VWC2L: variants seen among roughly 807,000 people sequenced by gnomAD.
The protein encoded by VWC2L is von Willebrand factor C domain-containing protein 2-like.
Under a neutral mutation model 21.6 loss-of-function variants are expected in VWC2L, and 10 were observed. That is an observed-to-expected ratio of 0.46 (90% CI 0.29 to 0.78). VWC2L has a LOEUF of 0.78. VWC2L is among the 30% of genes least tolerant of loss of function. VWC2L has a pLI of 0.10. For synonymous variants in VWC2L, 96 were observed against 94.3 expected, an observed-to-expected ratio of 1.02 and a Z score of -0.10; for missense variants, 209 against 277.1, an observed-to-expected ratio of 0.75 and a Z score of 1.74.
intron 3 of VWC2L, among the ~76,000 whole-genome samples, chr2:214,461,860 G>A (rs1703147617): frequency 6.6e-6 from 1 of 152,204 alleles, no homozygotes; most frequent in Non-Finnish European, 1.5e-5. Context: ...TCAGCTTCTG[G>A]TGTGCGTGTG....
Position 214,491,791 on chromosome 2 carries a change from G to A in VWC2L, c.520+55033G>A, listed in dbSNP as rs150107750. ...TTGGTCAAGTTACTTAACCTCCTGA[G>A]TTTTATTTCTACATGTGTAAAATAG... On this transcript the variant is annotated intron_variant, in intron 3 of 3. Transcript: ENST00000312504. Among the ~76,000 whole-genome samples the A allele has an allele frequency of 2.1e-3, 313 of 151,936 alleles. 1 individual carries two copies. Among genetic ancestry groups the A allele is most frequent in the African/African-American group, 7.3e-3 (303 of 41,422 alleles).
chr2:214,575,841 T>C lies in VWC2L; in HGVS notation c.*21T>C. On this transcript the variant is annotated 3_prime_UTR_variant, in exon 4 of 4. Transcript: ENST00000312504. Reference sequence around the variant, plus strand: ...TGTAGGACAAACTTCCACCCAATGATGAGTTCTTAGGAAAGGATGCTATGG... The same window carrying C: ...TGTAGGACAAACTTCCACCCAATGACGAGTTCTTAGGAAAGGATGCTATGG... 1.2e-6 allele frequency: 2 copies of C among 1,607,414 alleles called. No homozygotes were observed. Among genetic ancestry groups the C allele is most frequent in the Non-Finnish European group, 1.7e-6 (2 of 1,174,986 alleles).
chr2:214,499,906 T>A (rs568250269), intron 3 of VWC2L, among the ~76,000 whole-genome samples: 1 of 152,290 alleles, frequency 6.6e-6, no homozygotes, highest in East Asian at 1.9e-4. Flanking sequence ...AAACAAAAAA[T>A]GTCAAAAGTA....
chr2:214,553,449 G>T (rs561199832), intron 3 of VWC2L, among the ~76,000 whole-genome samples: 1 of 152,152 alleles, frequency 6.6e-6, no homozygotes, highest in African/African-American at 2.4e-5. Flanking sequence ...GGGGCTTCCC[G>T]GTCATAGGCA....
At chr2:214,427,894 G>C (rs193295870) in intron 2 of VWC2L, among the ~76,000 whole-genome samples, 2 of 152,206 alleles carry the variant, frequency 1.3e-5, no homozygotes, top group African/African-American at 4.8e-5. Flanking sequence ...GTTTAGTACA[G>C]AAAACCATCC....
rs1156266430 is a variant in VWC2L, at chr2:214,577,498, G to A, written c.*1678G>A. On this transcript the variant is annotated 3_prime_UTR_variant, in exon 4 of 4. Transcript: ENST00000312504. ...GGAGTGAGGGGCCTAATTTCACCTC[G>A]TTGAGAACCAGTGGTCTAGAATAAT... The A allele has an allele frequency of 6.6e-6, 1 of 152,146 alleles. No homozygotes were observed. Among genetic ancestry groups the A allele is most frequent in the East Asian group, 1.9e-4 (1 of 5,180 alleles). The allele number at this position is 152,146 out of a possible 1,614,324, so 9.4% of individuals were successfully genotyped here. A position where few individuals can be genotyped will look rare whatever the true frequency, so the allele number is the denominator to read the frequency against.
At chr2:214,413,657 C>T (rs1200626091) in intron 1 of VWC2L, among the ~76,000 whole-genome samples, 1 of 152,100 alleles carries the variant, frequency 6.6e-6, no homozygotes, top group African/African-American at 2.4e-5. Context: ...TATTCCCTTT[C>T]CTTTAGAATT....
At chr2:214,467,923 A>C (rs182909151) in intron 3 of VWC2L, among the ~76,000 whole-genome samples, 295 of 152,284 alleles carry the variant, frequency 1.9e-3, no homozygotes, top group African/African-American at 6.8e-3. Context: ...AGATGGGAGA[A>C]TCACTTGAGC....
chr2:214,513,494 G>A lies in VWC2L; in HGVS notation c.521-62178G>A, dbSNP rs181903979. On this transcript the variant is annotated intron_variant, in intron 3 of 3. Transcript: ENST00000312504. ...CATTTGACATTTAATCTTCAGGGAC[G>A]AATTCCATGCAAACATTCGTAACGT... Among the ~76,000 whole-genome samples the A allele has an allele frequency of 3.3e-5, 5 of 152,184 alleles. No homozygotes were observed. The East Asian group carries it at 7.7e-4, about 24-fold the overall frequency.
At chr2:214,477,868 T>C (rs4673831) in intron 3 of VWC2L, among the ~76,000 whole-genome samples, 139,990 of 152,306 alleles carry the variant, frequency 0.92, 65,355 homozygotes, top group Non-Finnish European at 1. Flanking sequence ...ATGTCACTTT[T>C]GTTCTGACGG....
chr2:214,440,454 C>T (rs1032326341), intron 3 of VWC2L, among the ~76,000 whole-genome samples: 2 of 151,936 alleles, frequency 1.3e-5, no homozygotes, highest in African/African-American at 4.8e-5. Flanking sequence ...AGCCCCAGGC[C>T]TTTCCATGTG....
intron 3 of VWC2L, among the ~76,000 whole-genome samples, chr2:214,562,734 A>T (rs149208387): frequency 6.6e-6 from 1 of 152,150 alleles, no homozygotes; most frequent in African/African-American, 2.4e-5. Flanking sequence ...TTCTTTAACT[A>T]TCAGTGATGT....
chr2:214,523,448 T>C (rs148841298), intron 3 of VWC2L, among the ~76,000 whole-genome samples: 1,659 of 152,308 alleles, frequency 0.011, 31 homozygotes, highest in African/African-American at 0.038. Context: ...ATTTTAGAAA[T>C]CTTAATGTAT....
chr2:214,435,184 C>T (rs75115068), intron 2 of VWC2L, among the ~76,000 whole-genome samples: 7,797 of 152,136 alleles, frequency 0.051, 604 homozygotes, highest in African/African-American at 0.18. Flanking sequence ...ATGTACTGTA[C>T]GTTCTAATCT....
rs942923984 is a variant in VWC2L, at chr2:214,511,492, A to C, written c.521-64180A>C. Among the ~76,000 whole-genome samples, 9 of 152,042 alleles carry C rather than the reference A, an allele frequency of 5.9e-5. No individual in the cohort carries two copies. The East Asian group carries it at 1.7e-3, about 30-fold the overall frequency. ...TATAAGAAGAGGAAGAGAGAGAGAGATTTGGGACAATTTCTCCTTCTTATT... is the reference window on the plus strand; with the variant it reads ...TATAAGAAGAGGAAGAGAGAGAGAGCTTTGGGACAATTTCTCCTTCTTATT... On this transcript the variant is annotated intron_variant, in intron 3 of 3. Coordinates refer to ENST00000312504, the MANE Select transcript of VWC2L (RefSeq NM_001080500.4).
At chr2:214,494,358 G>A (rs1175216787) in intron 3 of VWC2L, among the ~76,000 whole-genome samples, 1 of 152,168 alleles carries the variant, frequency 6.6e-6, no homozygotes, top group Non-Finnish European at 1.5e-5. Context: ...TTGCCATGCA[G>A]AATGAGTACA....
chr2:214,558,251 C>A (rs1379090491), intron 3 of VWC2L, among the ~76,000 whole-genome samples: 2 of 152,106 alleles, frequency 1.3e-5, no homozygotes, highest in Admixed American at 1.3e-4. Flanking sequence ...CCTTAAATGA[C>A]AATGTCGTCC....
chr2:214,439,155 G>A (rs1216241192), intron 3 of VWC2L, among the ~76,000 whole-genome samples: 1 of 152,022 alleles, frequency 6.6e-6, no homozygotes, highest in Non-Finnish European at 1.5e-5. Context: ...ATGACCACCA[G>A]TGGTACCAAT....
At chr2:214,552,718 C>G (rs1689813457) in intron 3 of VWC2L, among the ~76,000 whole-genome samples, 1 of 152,104 alleles carries the variant, frequency 6.6e-6, no homozygotes, top group South Asian at 2.1e-4. Context: ...TATATATTCT[C>G]TCTCTTCATA....
Sources: allele counts gnomAD v4.1 joint callset (sites outside exome capture counted in the v4.1 genomes callset), GRCh38; gene constraint gnomAD v4.1.1; transcripts MANE v1.5; gene names NCBI Gene and HGNC (gene_info 2026-07-23, HGNC 2026-07-21).